The following PPM1H variants were observed in gnomAD, a reference collection of about 807,000 sequenced individuals.
The protein encoded by PPM1H is protein phosphatase, Mg2+/Mn2+ dependent 1H.
In PPM1H, 27 loss-of-function variants were observed where a neutral mutation model predicts 54.9. The ratio of observed to expected loss-of-function variants is 0.49; its 90% CI spans 0.36 to 0.68. The LOEUF (loss-of-function observed/expected upper bound fraction) is 0.68. Among genes scored for constraint, PPM1H ranks in the 30% least tolerant of loss-of-function variants. PPM1H has a pLI of 0.00. For missense variants in PPM1H, 596 were observed against 667.8 expected (o/e 0.89, Z 1.19); for synonymous variants, 305 against 270.8 (o/e 1.13, Z -1.24).
At chr12:62,927,401 T>C (rs1872002590) in intron 1 of PPM1H, among the ~76,000 whole-genome samples, 1 of 152,192 alleles carries the variant, frequency 6.6e-6, no homozygotes, top group South Asian at 2.1e-4. Context: ...GGCTCACGCC[T>C]GTCATCCCTA....
intron 2 of PPM1H, among the ~76,000 whole-genome samples, chr12:62,818,549 G>C (rs1163128989): frequency 6.6e-6 from 1 of 150,672 alleles, no homozygotes; most frequent in East Asian, 1.9e-4. Flanking sequence ...TCTTTTGGAA[G>C]TGCTAGAATT....
At chr12:62,807,689 C>G (rs2076813142) in intron 2 of PPM1H, among the ~76,000 whole-genome samples, 1 of 152,110 alleles carries the variant, frequency 6.6e-6, no homozygotes, top group African/African-American at 2.4e-5. Flanking sequence ...TCCTCCTATG[C>G]TAGGAGGATG....
At chr12:62,732,506 C>T (rs938408623) in intron 5 of PPM1H, among the ~76,000 whole-genome samples, 1 of 152,102 alleles carries the variant, frequency 6.6e-6, no homozygotes, top group Admixed American at 6.5e-5. Flanking sequence ...ACAAGTCAAA[C>T]AGACCTGGGA....
intron 1 of PPM1H, among the ~76,000 whole-genome samples, chr12:62,922,531 C>T (rs1220653156): frequency 6.6e-6 from 1 of 152,118 alleles, no homozygotes; most frequent in East Asian, 1.9e-4. Context: ...TCATCCAGAG[C>T]TACAGAGATG....
At chr12:62,819,805 G>A (rs972142694) in intron 2 of PPM1H, among the ~76,000 whole-genome samples, 5 of 152,132 alleles carry the variant, frequency 3.3e-5, no homozygotes, top group Non-Finnish European at 4.4e-5. Flanking sequence ...AACACGAGTC[G>A]GTTCCAAGAT....
chr12:62,764,110 A>C (rs1328758054), intron 4 of PPM1H, among the ~76,000 whole-genome samples: 1 of 152,154 alleles, frequency 6.6e-6, no homozygotes. Context: ...ATAATACTGA[A>C]AATGTTGAAC....
intron 1 of PPM1H, among the ~76,000 whole-genome samples, chr12:62,881,629 A>G (rs987375375): frequency 6.6e-6 from 1 of 152,164 alleles, no homozygotes; most frequent in Non-Finnish European, 1.5e-5. Flanking sequence ...AGATACCCAC[A>G]TATTCACTTT....
intron 5 of PPM1H, among the ~76,000 whole-genome samples, chr12:62,736,066 A>T (rs533444783): frequency 6.6e-6 from 1 of 152,298 alleles, no homozygotes. Context: ...AAAGGCTTTT[A>T]GATAGGGGAG....
intron 6 of PPM1H, among the ~76,000 whole-genome samples, chr12:62,703,713 C>A (rs1055133378): frequency 6.6e-6 from 1 of 152,126 alleles, no homozygotes; most frequent in Non-Finnish European, 1.5e-5. Flanking sequence ...CCCAGTTAAG[C>A]AATTCTGGAA....
chr12:62,827,206 T>C (rs1168835415), intron 2 of PPM1H, among the ~76,000 whole-genome samples: 1 of 152,156 alleles, frequency 6.6e-6, no homozygotes, highest in Non-Finnish European at 1.5e-5. Context: ...ACGCAAGTCA[T>C]CATCTCTGCC....
At position 62,722,199 on chromosome 12, in the gene PPM1H, C is replaced by T. The variant is rs184975688; in HGVS notation, c.955-1910G>A. 5.1e-4 allele frequency among the ~76,000 whole-genome samples: 78 copies of T among 152,236 alleles called. No individual in the cohort carries two copies. In the East Asian group the frequency reaches 8.1e-3, roughly 16 times the overall value. The stretch of plus-strand genomic sequence containing the variant: ...AAGGAACAAAGGCATAAGTGGTCAA[C>T]GGACAGCACCATCTGTTATAAGCCC... On this transcript the variant is annotated intron_variant, in intron 5 of 9. Transcript: ENST00000228705.
At chr12:62,913,919 C>T (rs1192579384) in intron 1 of PPM1H, among the ~76,000 whole-genome samples, 5 of 152,106 alleles carry the variant, frequency 3.3e-5, no homozygotes, top group African/African-American at 1.2e-4. Context: ...AGGCTGGTCT[C>T]GAACTTCTGA....
At chr12:62,896,233 G>A (rs1325610426) in intron 1 of PPM1H, among the ~76,000 whole-genome samples, 1 of 152,122 alleles carries the variant, frequency 6.6e-6, no homozygotes, top group Non-Finnish European at 1.5e-5. Context: ...GGCAAGAAAA[G>A]CCAAAATAGA....
intron 1 of PPM1H, among the ~76,000 whole-genome samples, chr12:62,846,755 T>C (rs1868987281): frequency 6.6e-6 from 1 of 152,154 alleles, no homozygotes; most frequent in Non-Finnish European, 1.5e-5. Context: ...TCCTTCAGTA[T>C]TCAGTTTGTT....
At chr12:62,910,952 T>A (rs1249212118) in intron 1 of PPM1H, among the ~76,000 whole-genome samples, 1 of 152,116 alleles carries the variant, frequency 6.6e-6, no homozygotes, top group Non-Finnish European at 1.5e-5. Flanking sequence ...ACTAAAAAAA[T>A]TATGTAAATA....
At chr12:62,693,715 G>A (rs1368286024) in intron 7 of PPM1H, among the ~76,000 whole-genome samples, 3 of 152,174 alleles carry the variant, frequency 2.0e-5, no homozygotes, top group African/African-American at 7.2e-5. Flanking sequence ...TCACAAAATT[G>A]GCTTGAGTCC....
chr12:62,789,341 G>A (rs889099001), intron 3 of PPM1H, among the ~76,000 whole-genome samples: 20 of 152,312 alleles, frequency 1.3e-4, no homozygotes, highest in Middle Eastern at 6.8e-3. Context: ...TGGATAAATA[G>A]TCTCTTTTAC....
intron 4 of PPM1H, among the ~76,000 whole-genome samples, chr12:62,779,807 C>T (rs1399665432): frequency 1.3e-5 from 2 of 152,202 alleles, no homozygotes; most frequent in East Asian, 3.8e-4. Flanking sequence ...TACCACCTTA[C>T]CCCATAACTG....
chr12:62,719,225 G>A (rs1407121041), intron 6 of PPM1H, among the ~76,000 whole-genome samples: 1 of 152,220 alleles, frequency 6.6e-6, no homozygotes, highest in Non-Finnish European at 1.5e-5. Flanking sequence ...CCCTGGCCAA[G>A]TCATCACCAT....
Sources: allele counts gnomAD v4.1 joint callset (sites outside exome capture counted in the v4.1 genomes callset), GRCh38; gene constraint gnomAD v4.1.1; transcripts MANE v1.5; gene names NCBI Gene and HGNC (gene_info 2026-07-23, HGNC 2026-07-21).